PDCD11: variants seen among roughly 807,000 people sequenced by gnomAD.
PDCD11 encodes protein RRP5 homolog.
A neutral mutation model predicts 198.9 loss-of-function variants in PDCD11; 97 were observed. That is an observed-to-expected ratio of 0.49 (90% CI 0.41 to 0.58). PDCD11 has a LOEUF of 0.58. Among genes scored for constraint, PDCD11 ranks in the 20% least tolerant of loss-of-function variants. The pLI, the probability that PDCD11 is intolerant of heterozygous loss-of-function variation, is 0.00. For synonymous variants in PDCD11, 893 were observed against 918.0 expected (o/e 0.97, Z 0.49); for missense variants, 2,102 against 2,312.7 (o/e 0.91, Z 1.87).
In PDCD11 at chr10:103,432,170, T is replaced by C; in HGVS notation, c.3410T>C (p.Val1137Ala). The change falls in exon 22 of 36, where the codon GTT becomes GCT. Residue 1137 changes from valine (V) to alanine (A), a missense_variant. By Grantham distance (64) the Val-to-Ala change is moderately conservative (BLOSUM62 0). Transcript: ENST00000369797. ...DGHTALNTHSVSPMEKIKQYQ... is the reference protein window; with the variant it reads ...DGHTALNTHSASPMEKIKQYQ... ...CACACTGCTCTTAACACTCACTCTG[T>C]TAGCCCCATGGAGAAGATTAAACAG... 6.2e-7 allele frequency: 1 copy of C among 1,614,096 alleles called. No homozygotes were observed.
chr10:103,423,700 T>C, intron 19 of PDCD11, 42 bp downstream of exon 19: 2 of 1,325,724 alleles, frequency 1.5e-6, no homozygotes, highest in Non-Finnish European at 2.2e-6. Context: ...TTTCACATGA[T>C]GTACCCTTCA....
intron 3 of PDCD11, among the ~76,000 whole-genome samples, chr10:103,401,570 G>T (rs1307974355): frequency 6.6e-6 from 1 of 151,688 alleles, no homozygotes; most frequent in Non-Finnish European, 1.5e-5. Flanking sequence ...CGGCCAGCCT[G>T]CCTTACATTT....
At chr10:103,423,166 T>TTGG (rs1331987420) in intron 18 of PDCD11, 29 bp downstream of exon 18, 1 of 1,516,048 alleles carries the variant, frequency 6.6e-7, no homozygotes, top group South Asian at 1.3e-5. Context: ...CCCATTGTGG[T>TTGG]TGGTGGGAGG....
rs572413192 is a variant in PDCD11 at position 103,403,654 on chromosome 10, TG to T, written c.402+370del. On this transcript the variant is annotated intron_variant, in intron 4 of 35. Coordinates refer to ENST00000369797, the MANE Select transcript of PDCD11 (RefSeq NM_014976.2). ...CAGCCTTGTAGACCATTTTAAGGGT[TG>T]TTTTTAAATTCTAGAATCAATGGGA... is the stretch of plus-strand genomic sequence containing the variant. Among the ~76,000 whole-genome samples the T allele has an allele frequency of 4.6e-5, 7 of 152,350 alleles. No individual in the cohort carries two copies. The South Asian group carries it at 1.4e-3, about 32-fold the overall frequency.
At chr10:103,430,779 A>C (rs2031898735) in intron 21 of PDCD11, among the ~76,000 whole-genome samples, 1 of 151,612 alleles carries the variant, frequency 6.6e-6, no homozygotes. Flanking sequence ...CTTTGGAGAA[A>C]TGTCTACTCA....
At chr10:103,435,877 G>GGT (rs1267276221) in intron 25 of PDCD11, among the ~76,000 whole-genome samples, 3 of 152,132 alleles carry the variant, frequency 2.0e-5, no homozygotes, top group Non-Finnish European at 4.4e-5. Flanking sequence ...AAGTGAAATT[G>GGT]ATGGGTTACA....
At chr10:103,442,124 G>T in intron 31 of PDCD11, 89 bp from the exon 32 acceptor site, 1 of 1,570,344 alleles carries the variant, frequency 6.4e-7, no homozygotes. Context: ...AGAGCCCTGG[G>T]CTGCCCAGCC....
chr10:103,405,119 A>G lies in PDCD11; in HGVS notation c.500A>G (p.Lys167Arg), dbSNP rs765958382. The change falls in exon 5 of 36, where the codon AAG (lysine) becomes AGG (arginine). Residue 167 changes from lysine to arginine, a missense_variant. Lys to Arg is a conservative substitution (Grantham distance 26). Coordinates refer to ENST00000369797, the MANE Select transcript of PDCD11 (RefSeq NM_014976.2). ...GITDRGKKSV[K>R]LSLNPKNVNR... ...ACAGACAGGGGCAAGAAGAGTGTCA[A>G]GCTGTCTCTGAACCCCAAAAATGTC... 22 of 1,614,026 alleles carry G rather than the reference A, an allele frequency of 1.4e-5. No individual in the cohort carries two copies. In the South Asian group the frequency reaches 2.4e-4, roughly 18 times the overall value.
Position 103,423,025 on chromosome 10 carries a change from A to G in PDCD11, c.2535A>G (p.Pro845=), listed in dbSNP as rs373322333. Residue 845 remains proline, a synonymous_variant, in exon 18 of 36, where the codon CCA becomes CCG. Transcript: ENST00000369797. ...TCCAGACGCTGGCCGAGATGACCCCAGGAATGTTCCTTGACCTAGTGGTGC... is the reference window on the plus strand; with the variant it reads ...TCCAGACGCTGGCCGAGATGACCCCGGGAATGTTCCTTGACCTAGTGGTGC... ...VLIQTLAEMT[P]GMFLDLVVQE... 2 of 1,599,294 alleles carry G rather than the reference A, an allele frequency of 1.3e-6. No individual in the cohort carries two copies. Among genetic ancestry groups the G allele is most frequent in the Non-Finnish European group, 1.7e-6 (2 of 1,172,622 alleles).
intron 30 of PDCD11, 35 bp from the exon 31 acceptor site, chr10:103,441,791 C>G (rs1172040856): frequency 6.2e-7 from 1 of 1,600,924 alleles, no homozygotes; most frequent in African/African-American, 1.3e-5. Context: ...CAGCCTGAGC[C>G]AGGTGCTTTC....
rs1188105088 is a variant in PDCD11, at chr10:103,440,790, T to A, written c.4497T>A (p.Leu1499=). The A allele has an allele frequency of 6.2e-7, 1 of 1,614,074 alleles. No homozygotes were observed. The highest frequency in any genetic ancestry group is 2.2e-5 in the East Asian group (1 of 44,870). Residue 1499 remains leucine, a synonymous_variant, in exon 30 of 36, where the codon CTT becomes CTA. Coordinates refer to ENST00000369797, the MANE Select transcript of PDCD11 (RefSeq NM_014976.2). ...GCCTGTCAGAGGAGGACGACAGCCT[T>A]GTGGACGTGTACTATCGGGAGGGAA... The part of the protein sequence containing the change: ...KAGLSEEDDS[L]VDVYYREGKE...
At chr10:103,415,209 A>C in intron 12 of PDCD11, 58 bp downstream of exon 12, 22 of 1,577,762 alleles carry the variant, frequency 1.4e-5, no homozygotes, top group African/African-American at 2.7e-5. Context: ...AGCAGTTCTC[A>C]ACTGAAGTTT....
chr10:103,424,640 G>A (rs1040873893), intron 19 of PDCD11, among the ~76,000 whole-genome samples: 35 of 152,216 alleles, frequency 2.3e-4, no homozygotes, highest in Non-Finnish European at 5.0e-4. Context: ...GTGTCTCTAA[G>A]CTGAGAGAGC....
chr10:103,430,622 C>T (rs1474204898), intron 21 of PDCD11, among the ~76,000 whole-genome samples: 2 of 151,600 alleles, frequency 1.3e-5, no homozygotes, highest in Non-Finnish European at 2.9e-5. Flanking sequence ...TCCTCGCCAA[C>T]ACTCGTTATT....
At position 103,426,033 on chromosome 10, in the gene PDCD11, G is replaced by A. The variant is rs536241847; in HGVS notation, c.3305+508G>A. ...TGGGTTTGGAGTCAGACCCGGGTTT[G>A]AATTCTAGATTAACTGTGACCATGT... On this transcript the variant is annotated intron_variant, in intron 20 of 35. Transcript: ENST00000369797. 7.9e-5 allele frequency among the ~76,000 whole-genome samples: 12 copies of A among 152,324 alleles called. No homozygotes were observed. The East Asian group carries it at 2.1e-3, about 27-fold the overall frequency.
chr10:103,438,776 A>T lies in PDCD11; in HGVS notation c.3993A>T (p.Val1331=), dbSNP rs199766677. The change falls in exon 27 of 36, where the codon GTA becomes GTT. Residue 1331 remains valine (V), a synonymous_variant. Transcript: ENST00000369797. ...IKEGQLLRGY[V]GSIQPHGVFF... ...AAGGGCAGCTTCTGAGGGGCTATGT[A>T]GGGTCCATCCAGCCACACGGTGTGT... The T allele has an allele frequency of 2.3e-5, 37 of 1,614,128 alleles. No homozygotes were observed. The Admixed American group carries it at 3.7e-4, about 16-fold the overall frequency.
rs2030228986 is a variant in PDCD11, at chr10:103,403,272, AAC to A, written c.391_392del (p.Gln131ThrfsTer10). 6.2e-7 allele frequency: 1 copy of A among 1,613,794 alleles called. No homozygotes were observed. Among genetic ancestry groups the A allele is most frequent in the Admixed American group, 1.7e-5 (1 of 59,930 alleles). ...AAGCTGAATGAGCAGGTGACACAAGAACAACCTCTGAAGGTAAGGGAAATCCG... is the reference window on the plus strand; with the variant it reads ...AAGCTGAATGAGCAGGTGACACAAGAAACCTCTGAAGGTAAGGGAAATCCG... On this transcript the variant is annotated frameshift_variant, in exon 4 of 36. Transcript: ENST00000369797. LOFTEE classifies it high-confidence loss of function.
intron 4 of PDCD11, 81 bp from the exon 5 acceptor site, chr10:103,404,941 G>A: frequency 2.2e-6 from 3 of 1,344,384 alleles, no homozygotes; most frequent in East Asian, 4.9e-5. Context: ...AGGATGAGAA[G>A]TCACTGAGCC....
rs1295432816 is a variant in PDCD11 at position 103,403,213 on chromosome 10, G to A, written c.330G>A (p.Val110=). ...ISLPNGLQGF[V]QVTEICDAYT... ...TCCCCAATGGCCTCCAGGGCTTTGT[G>A]CAAGTCACTGAAATCTGTGATGCCT... The change falls in exon 4 of 36, where the codon GTG becomes GTA. Residue 110 remains valine, a synonymous_variant. Coordinates refer to ENST00000369797, the MANE Select transcript of PDCD11 (RefSeq NM_014976.2). 6.2e-7 allele frequency: 1 copy of A among 1,614,134 alleles called. No individual in the cohort carries two copies. The highest frequency in any genetic ancestry group is 2.2e-5 in the East Asian group (1 of 44,882).
Sources: gnomAD v4.1 joint callset for allele counts (sites outside exome capture counted in the v4.1 genomes callset) on GRCh38, gnomAD v4.1.1 for gene constraint, MANE v1.5 for transcripts, NCBI Gene and HGNC (gene_info 2026-07-23, HGNC 2026-07-21) for gene names.